The following TTC39C variants were observed in gnomAD, a reference collection of about 807,000 sequenced individuals.
The protein encoded by TTC39C is tetratricopeptide repeat protein 39C.
TTC39C carries 33 observed loss-of-function variants against 76.3 expected under a neutral mutation model. That is an observed-to-expected ratio of 0.43 (90% confidence interval 0.33 to 0.58). The LOEUF (loss-of-function observed/expected upper bound fraction) is 0.58. TTC39C is among the 20% of genes least tolerant of loss of function. TTC39C has a pLI of 0.04. For synonymous variants in TTC39C, 254 were observed against 260.6 expected, an observed-to-expected ratio of 0.97 and a Z score of 0.24; for missense variants, 595 against 701.4, an observed-to-expected ratio of 0.85 and a Z score of 1.71.
intron 1 of TTC39C, among the ~76,000 whole-genome samples, chr18:24,039,782 A>G (rs1441022003): frequency 6.6e-6 from 1 of 152,170 alleles, no homozygotes; most frequent in Admixed American, 6.5e-5. Flanking sequence ...AGCAGGGGAA[A>G]TATGTGTGAA....
chr18:24,080,743 G>T lies in TTC39C; in HGVS notation c.619G>T (p.Val207Leu). Reference protein sequence around the residue: ...ANDNHIVAEGVSEESLNRLKG... With the variant: ...ANDNHIVAEGLSEESLNRLKG... ...TGATAATCACATTGTGGCTGAAGGG[G>T]TGTCTGAGGAGTCTCTGAACAGACT... Residue 207 changes from valine (V) to leucine (L), a missense_variant, in exon 5 of 14, where the codon GTG becomes TTG. By Grantham distance (32) the Val-to-Leu change is conservative. Coordinates refer to ENST00000317571, the MANE Select transcript of TTC39C (RefSeq NM_001135993.2). 1.9e-6 allele frequency: 3 copies of T among 1,614,164 alleles called. No homozygotes were observed. The highest frequency in any genetic ancestry group is 1.7e-6 in the Non-Finnish European group (2 of 1,180,024).
In TTC39C at chr18:24,133,723, A is replaced by G. The variant is rs912301525; in HGVS notation, c.*1149A>G. On this transcript the variant is annotated 3_prime_UTR_variant, in exon 14 of 14. Coordinates refer to ENST00000317571, the MANE Select transcript of TTC39C (RefSeq NM_001135993.2). The stretch of plus-strand genomic sequence containing the variant: ...AATTTTTGTCATTTAATTTACCTCC[A>G]TGCCCGGTACTGCAAACCTGTGGTT... 1.3e-5 allele frequency: 2 copies of G among 152,148 alleles called. No homozygotes were observed. The highest frequency in any genetic ancestry group is 6.6e-5 in the Admixed American group (1 of 15,264). The allele number at this position is 152,148 out of a possible 1,614,324, so 9.4% of individuals were successfully genotyped here.
chr18:24,023,948 A>ATATATATCTATATATATC (rs2083549563), intron 1 of TTC39C, among the ~76,000 whole-genome samples: 1 of 16,004 alleles, frequency 6.2e-5, no homozygotes, highest in Non-Finnish European at 3.3e-4. Flanking sequence ...ATATATATGC[A>ATATATATCTATATATATC]TGTATATATA....
At chr18:24,125,367 A>G in intron 9 of TTC39C, 60 bp from the exon 10 acceptor site, 4 of 1,606,892 alleles carry the variant, frequency 2.5e-6, no homozygotes, top group South Asian at 2.2e-5. Context: ...TGTCTGAGGT[A>G]TATTTTTTAT....
intron 6 of TTC39C, among the ~76,000 whole-genome samples, chr18:24,110,793 G>T (rs1187858109): frequency 6.6e-6 from 1 of 152,238 alleles, no homozygotes; most frequent in Non-Finnish European, 1.5e-5. Flanking sequence ...TTTGCGCTTT[G>T]TGTTCTTCAT....
At chr18:24,014,746 C>T (rs2083427738), upstream of TTC39C, 7 of 1,083,280 alleles carry the variant, frequency 6.5e-6, no homozygotes, top group Non-Finnish European at 8.0e-6. Context: ...CGTCTTCTCC[C>T]CTCCCCTCCC....
In TTC39C at chr18:24,118,240, G is replaced by T; in HGVS notation, c.1186+8G>T. 1 of 1,606,022 alleles carries T rather than the reference G, an allele frequency of 6.2e-7. No individual in the cohort carries two copies. The highest frequency in any genetic ancestry group is 8.5e-7 in the Non-Finnish European group (1 of 1,174,796). On this transcript the variant is annotated splice_region_variant and intron_variant, in intron 8 of 13. Transcript: ENST00000317571. ...ATGCCTACTTGACTGCAGGTGAGTC[G>T]CCCATGGTCCCTCAGTGTGCCTCTC...
intron 1 of TTC39C, among the ~76,000 whole-genome samples, chr18:24,031,914 G>A (rs148643847): frequency 0.016 from 2,456 of 152,172 alleles, 248 homozygotes; most frequent in Admixed American, 0.14. Flanking sequence ...GGATTATCCC[G>A]GATTATCTCG....
At chr18:24,066,366 G>A (rs1451017629) in intron 3 of TTC39C, among the ~76,000 whole-genome samples, 4 of 152,160 alleles carry the variant, frequency 2.6e-5, no homozygotes, top group African/African-American at 9.7e-5. Flanking sequence ...TGATATCTTA[G>A]AATCATCTTC....
intron 6 of TTC39C, among the ~76,000 whole-genome samples, chr18:24,092,021 A>G (rs2084523784): frequency 7.1e-6 from 1 of 139,912 alleles, no homozygotes. Flanking sequence ...TGAACCTTGA[A>G]GGCGGAGCTT....
upstream of TTC39C, chr18:24,014,693 G>A (rs1348542361): frequency 8.0e-6 from 8 of 996,080 alleles, no homozygotes; most frequent in Admixed American, 4.8e-5. Context: ...CCGCAGCCGG[G>A]CCGCGGCTCC....
intron 8 of TTC39C, among the ~76,000 whole-genome samples, chr18:24,119,591 T>C (rs2084939827): frequency 6.6e-6 from 1 of 151,660 alleles, no homozygotes; most frequent in African/African-American, 2.4e-5. Context: ...AGCCCTCTTT[T>C]GTCCATATTC....
chr18:24,126,639 T>C (rs2085054617), intron 10 of TTC39C, among the ~76,000 whole-genome samples: 1 of 148,900 alleles, frequency 6.7e-6, no homozygotes, highest in African/African-American at 2.5e-5. Context: ...CTATGTTCTT[T>C]TTAATTTTTT....
chr18:24,038,931 C>T (rs1257736468), intron 1 of TTC39C, among the ~76,000 whole-genome samples: 4 of 152,132 alleles, frequency 2.6e-5, no homozygotes, highest in Non-Finnish European at 5.9e-5. Context: ...ATCCTTATGA[C>T]CTCATTTAAA....
intron 2 of TTC39C, among the ~76,000 whole-genome samples, chr18:24,064,779 G>C (rs1031653099): frequency 1.3e-5 from 2 of 152,140 alleles, no homozygotes; most frequent in African/African-American, 4.8e-5. Flanking sequence ...AAAAAGACAT[G>C]ATAGGGACTG....
intron 6 of TTC39C, among the ~76,000 whole-genome samples, chr18:24,096,612 C>A (rs573402362): frequency 6.6e-6 from 1 of 152,188 alleles, no homozygotes; most frequent in Non-Finnish European, 1.5e-5. Context: ...CTGATCCCTT[C>A]TGTAAATCAG....
intron 1 of TTC39C, among the ~76,000 whole-genome samples, chr18:24,058,587 G>A (rs560386347): frequency 2.0e-5 from 3 of 152,168 alleles, no homozygotes; most frequent in South Asian, 2.1e-4. Context: ...CCCAGGAGGC[G>A]GAGGCTGCAG....
rs1555769953 is a variant in TTC39C at position 24,045,912 on chromosome 18, T to TATGTATATGTAC, written c.168-18226_168-18225insGTATATGTACAT. Among the ~76,000 whole-genome samples, 46 of 28,446 alleles carry TATGTATATGTAC rather than the reference T, an allele frequency of 1.6e-3. 2 individuals are homozygous for TATGTATATGTAC. The highest frequency in any genetic ancestry group is 8.8e-3 in the East Asian group (11 of 1,256). 18.7% of individuals were successfully genotyped at this position (28,446 alleles called of 152,430 possible). On this transcript the variant is annotated intron_variant, in intron 1 of 13. Transcript: ENST00000317571. ...GTGAAAATATATATATATATATATA[T>TATGTATATGTAC]ATATATATATATATATTTTTTTTTT... is the stretch of plus-strand genomic sequence containing the variant.
intron 6 of TTC39C, among the ~76,000 whole-genome samples, chr18:24,089,915 T>G (rs1189157393): frequency 6.6e-6 from 1 of 152,144 alleles, no homozygotes; most frequent in African/African-American, 2.4e-5. Flanking sequence ...ACATACATAA[T>G]TATTTTAAGA....
Sources: gnomAD v4.1 joint callset for allele counts (sites outside exome capture counted in the v4.1 genomes callset) on GRCh38, gnomAD v4.1.1 for gene constraint, MANE v1.5 for transcripts, NCBI Gene and HGNC (gene_info 2026-07-23, HGNC 2026-07-21) for gene names.